The following NUP88 variants were observed in gnomAD, a reference collection of about 807,000 sequenced individuals.
NUP88 encodes the protein nuclear pore complex protein Nup88.
A neutral mutation model predicts 93.9 loss-of-function variants in NUP88; 57 were observed. The ratio of observed to expected loss-of-function variants is 0.61; its 90% CI spans 0.49 to 0.76. The LOEUF (loss-of-function observed/expected upper bound fraction) is 0.76, where lower values mean the gene tolerates loss of function less well. Ranked by LOEUF, NUP88 falls within the 30% of genes least tolerant of loss-of-function variation. The pLI is 0.00. For missense variants in NUP88, 911 were observed against 901.0 expected (o/e 1.01, Z -0.14); for synonymous variants, 346 against 336.8 (o/e 1.03, Z -0.30).
chr17:5,396,021 G>C (rs1912753084), intron 8 of NUP88, among the ~76,000 whole-genome samples: 1 of 152,000 alleles, frequency 6.6e-6, no homozygotes, highest in East Asian at 1.9e-4. Flanking sequence ...GACCAGCCTG[G>C]CCAACATAGC....
chr17:5,401,710 T>TA (rs1913180042), intron 7 of NUP88, among the ~76,000 whole-genome samples: 1 of 152,268 alleles, frequency 6.6e-6, no homozygotes. Context: ...CATTTGCGTA[T>TA]GTTTTAAGAC....
chr17:5,394,825 C>A (rs1597318493), intron 9 of NUP88, 66 bp downstream of exon 9: 2 of 1,097,214 alleles, frequency 1.8e-6, no homozygotes, highest in Non-Finnish European at 1.4e-6. Context: ...GTAACGGATA[C>A]AAACGTATCT....
chr17:5,387,497 G>A, intron 13 of NUP88, 31 bp from the exon 14 acceptor site: 2 of 1,609,118 alleles, frequency 1.2e-6, no homozygotes, highest in Non-Finnish European at 1.7e-6. Flanking sequence ...AGACTCTTGA[G>A]GTCCACCCCT....
chr17:5,387,930 T>G (rs1377214110), intron 11 of NUP88, 26 bp from the exon 12 acceptor site: 1 of 1,601,414 alleles, frequency 6.2e-7, no homozygotes, highest in South Asian at 1.1e-5. Flanking sequence ...TCTACCTTTA[T>G]TTTCCTTAGC....
In NUP88 at chr17:5,404,106, A is replaced by AACAT; in HGVS notation, c.1184_1185insATGT (p.His396CysfsTer3). The stretch of plus-strand genomic sequence containing the variant: ...ATTTATTGAAGAGCTTACCTCTATG[A>AACAT]AGTTTGACTGGACAAGAAAAGTCAG... On this transcript the variant is annotated frameshift_variant, in exon 7 of 17. Transcript: ENST00000573584. LOFTEE classifies it high-confidence loss of function. The AACAT allele has an allele frequency of 6.2e-7, 1 of 1,613,980 alleles. No homozygotes were observed. Among genetic ancestry groups the AACAT allele is most frequent in the South Asian group, 1.1e-5 (1 of 91,064 alleles).
intron 10 of NUP88, among the ~76,000 whole-genome samples, chr17:5,389,749 C>G (rs1462012231): frequency 7.9e-6 from 1 of 126,248 alleles, no homozygotes; most frequent in Non-Finnish European, 1.6e-5. Flanking sequence ...GCACTCCAGC[C>G]TGGGTGACAG....
At chr17:5,398,121 CAGGTTGG>C (rs1433909809) in intron 8 of NUP88, among the ~76,000 whole-genome samples, 2 of 137,254 alleles carry the variant, frequency 1.5e-5, no homozygotes, top group Non-Finnish European at 3.1e-5. Context: ...CCATTTTGAC[CAGGTTGG>C]TCTTGAAGTC....
In NUP88 at chr17:5,385,449, CA is replaced by C. The variant is rs76828367; in HGVS notation, c.*756del. The C allele has an allele frequency of 0.43, 97,796 of 230,048 alleles. 21,550 individuals carry two copies. The highest frequency in any genetic ancestry group is 0.67 in the East Asian group (10,728 of 16,104). The allele number at this position is 230,048 out of a possible 1,614,324, so 14.3% of individuals were successfully genotyped here. Reference sequence around the variant, plus strand: ...ATGTGGCTTTTAATTGACAGTCACTCAGCCATTTCTAAGCAGATATAGTAGT... The same window carrying C: ...ATGTGGCTTTTAATTGACAGTCACTCGCCATTTCTAAGCAGATATAGTAGT... On this transcript the variant is annotated 3_prime_UTR_variant, in exon 17 of 17. Transcript: ENST00000573584.
chr17:5,416,188 T>TACACACATACACAC (rs1914138726), intron 2 of NUP88, among the ~76,000 whole-genome samples: 1 of 126,200 alleles, frequency 7.9e-6, no homozygotes, highest in South Asian at 2.6e-4. Flanking sequence ...TATACACACA[T>TACACACATACACAC]ACACACACAC....
Position 5,387,847 on chromosome 17 carries a change from TCTG to T in NUP88, c.1698_1700del (p.Ser566del). 1 of 1,614,090 alleles carries T rather than the reference TCTG, an allele frequency of 6.2e-7. No individual in the cohort carries two copies. Among genetic ancestry groups the T allele is most frequent in the East Asian group, 2.2e-5 (1 of 44,880 alleles). On this transcript the variant is annotated inframe_deletion, in exon 12 of 17. Coordinates refer to ENST00000573584, the MANE Select transcript of NUP88 (RefSeq NM_002532.6). Reference sequence around the variant, plus strand: ...ACTGCTCTCTGAACACCTGGGTGGCTCTGCTGAGGAGCTGAAGGCATTCTTCAG... The same window carrying T: ...ACTGCTCTCTGAACACCTGGGTGGCTCTGAGGAGCTGAAGGCATTCTTCAG...
chr17:5,413,006 G>A (rs1405248926), intron 3 of NUP88, among the ~76,000 whole-genome samples: 1 of 152,220 alleles, frequency 6.6e-6, no homozygotes, highest in African/African-American at 2.4e-5. Context: ...ACATAGTTGT[G>A]AAAGATTTGA....
chr17:5,395,534 C>CTTT (rs113574323), intron 8 of NUP88, among the ~76,000 whole-genome samples: 2 of 149,866 alleles, frequency 1.3e-5, no homozygotes, highest in Non-Finnish European at 3.0e-5. Flanking sequence ...TTTATAACAG[C>CTTT]TTTATTTTTT....
At chr17:5,412,515 C>T (rs916597254) in intron 3 of NUP88, among the ~76,000 whole-genome samples, 13 of 152,122 alleles carry the variant, frequency 8.5e-5, no homozygotes, top group Non-Finnish European at 2.9e-5. Flanking sequence ...TCTTGGAACA[C>T]ACACCCTGCA....
At chr17:5,419,251 G>A in intron 1 of NUP88, 103 bp downstream of exon 1, 1 of 1,324,420 alleles carries the variant, frequency 7.6e-7, no homozygotes, top group Middle Eastern at 2.2e-4. Flanking sequence ...TCAATCCGCT[G>A]GAACGCCTGC....
intron 14 of NUP88, 50 bp from the exon 15 acceptor site, chr17:5,387,160 G>C: frequency 6.3e-7 from 1 of 1,587,278 alleles, no homozygotes; most frequent in Non-Finnish European, 8.6e-7. Context: ...TACTAATTAG[G>C]AGAAACATAA....
intron 7 of NUP88, among the ~76,000 whole-genome samples, chr17:5,403,244 G>A (rs769546170): frequency 1.3e-5 from 2 of 151,982 alleles, no homozygotes; most frequent in African/African-American, 2.4e-5. Flanking sequence ...TTGTGAGGTC[G>A]AGGTGGGCGG....
At chr17:5,403,952 T>C in intron 7 of NUP88, 147 bp downstream of exon 7, 1 of 723,848 alleles carries the variant, frequency 1.4e-6, no homozygotes, top group Non-Finnish European at 2.2e-6. Context: ...ACAAAAAGTG[T>C]ACTATAGTGA....
chr17:5,404,906 G>C (rs1019532388), intron 6 of NUP88, 151 bp downstream of exon 6: 3 of 717,072 alleles, frequency 4.2e-6, no homozygotes, highest in Non-Finnish European at 6.8e-6. Flanking sequence ...TGCTAAGTGT[G>C]CTTCAGCTAC....
intron 11 of NUP88, 52 bp from the exon 12 acceptor site, chr17:5,387,956 AAAAT>A (rs33916652): frequency 0.42 from 643,520 of 1,536,440 alleles, 143,858 homozygotes; most frequent in East Asian, 0.84. Flanking sequence ...AAAACAACTG[AAAAT>A]AAATAGACTC....
Sources: allele counts gnomAD v4.1 joint callset (sites outside exome capture counted in the v4.1 genomes callset), GRCh38; gene constraint gnomAD v4.1.1; transcripts MANE v1.5; gene names NCBI Gene and HGNC (gene_info 2026-07-23, HGNC 2026-07-21).